The following POLE2 variants were observed in gnomAD, a reference collection of about 807,000 sequenced individuals.
The protein encoded by POLE2 is DNA polymerase epsilon 2, accessory subunit.
POLE2 carries 56 observed loss-of-function variants against 79.4 expected under a neutral mutation model. The ratio of observed to expected loss-of-function variants is 0.71; its 90% CI spans 0.57 to 0.88. The LOEUF (loss-of-function observed/expected upper bound fraction) is 0.88, where lower values mean the gene tolerates loss of function less well. POLE2 is among the 40% of genes least tolerant of loss of function. The pLI, the probability that POLE2 is intolerant of heterozygous loss-of-function variation, is 0.00. For synonymous variants in POLE2, 212 were observed against 214.0 expected (o/e 0.99, Z 0.08); for missense variants, 598 against 638.9 (o/e 0.94, Z 0.69).
rs1883550394 is a variant in POLE2 at position 49,643,634 on chromosome 14, AGAT to A, written c.*15_*17del. 5.3e-6 allele frequency: 7 copies of A among 1,332,480 alleles called. No homozygotes were observed. In the East Asian group the frequency reaches 1.2e-4, roughly 22 times the overall value. The allele number at this position is 1,332,480 out of a possible 1,614,324, so 82.5% of individuals were successfully genotyped here. ...AGCAGAAAACTGATGAATTTTCTTC[AGAT>A]GATCTTTAAGAATCTCAAAAGCCTT... is the stretch of plus-strand genomic sequence containing the variant. On this transcript the variant is annotated 3_prime_UTR_variant, in exon 19 of 19. Transcript: ENST00000216367.
chr14:49,683,536 A>C (rs1431974222), intron 2 of POLE2, 57 bp downstream of exon 2: 1 of 781,338 alleles, frequency 1.3e-6, no homozygotes, highest in African/African-American at 1.7e-5. Context: ...CTATACATCT[A>C]ACTGAAGATG....
At chr14:49,682,643 A>AGG (rs1886809927) in intron 2 of POLE2, among the ~76,000 whole-genome samples, 2 of 132,252 alleles carry the variant, frequency 1.5e-5, no homozygotes, top group African/African-American at 7.6e-5. Flanking sequence ...TCTCAGGGAA[A>AGG]AAAAAAAAAA....
chr14:49,671,442 C>T (rs1885882451), intron 5 of POLE2, among the ~76,000 whole-genome samples: 2 of 151,538 alleles, frequency 1.3e-5, no homozygotes, highest in South Asian at 2.1e-4. Flanking sequence ...CACAGTGAAA[C>T]CCATCTCTAC....
intron 1 of POLE2, among the ~76,000 whole-genome samples, chr14:49,685,679 C>T (rs1160653115): frequency 6.6e-6 from 1 of 151,936 alleles, no homozygotes; most frequent in Non-Finnish European, 1.5e-5. Flanking sequence ...AGTGCAGTGG[C>T]GTAATCTTGG....
At chr14:49,656,651 A>G (rs1282809536) in intron 10 of POLE2, among the ~76,000 whole-genome samples, 1 of 152,128 alleles carries the variant, frequency 6.6e-6, no homozygotes, top group Non-Finnish European at 1.5e-5. Context: ...TGGGTAATCT[A>G]CACACTCCCA....
Position 49,643,620 on chromosome 14 carries a change from G to T in POLE2, c.*32C>A. 1.6e-6 allele frequency: 2 copies of T among 1,238,164 alleles called. No individual in the cohort carries two copies. The highest frequency in any genetic ancestry group is 2.3e-6 in the Non-Finnish European group (2 of 865,438). 76.7% of individuals were successfully genotyped at this position (1,238,164 alleles called of 1,614,324 possible). A position where few individuals can be genotyped will look rare whatever the true frequency, so the allele number is the denominator to read the frequency against. ...AAGATATAGAGTTAAGCAGAAAACT[G>T]ATGAATTTTCTTCAGATGATCTTTA... is the stretch of plus-strand genomic sequence containing the variant. On this transcript the variant is annotated 3_prime_UTR_variant, in exon 19 of 19. Transcript: ENST00000216367.
chr14:49,663,222 C>G (rs533305758), intron 10 of POLE2, 93 bp downstream of exon 10: 1 of 550,872 alleles, frequency 1.8e-6, no homozygotes, highest in African/African-American at 1.9e-5. Context: ...AAGCCTGACA[C>G]CTTTTAGTAA....
intron 17 of POLE2, 101 bp from the exon 18 acceptor site, chr14:49,647,461 A>ATTT (rs1261755767): frequency 2.5e-6 from 1 of 395,896 alleles, no homozygotes. Flanking sequence ...TATTTTATTT[A>ATTT]TTTATTTTTT....
chr14:49,658,368 GC>G, intron 10 of POLE2, among the ~76,000 whole-genome samples: 1 of 152,154 alleles, frequency 6.6e-6, no homozygotes, highest in Non-Finnish European at 1.5e-5. Flanking sequence ...GAGCCACCGC[GC>G]CCGGCCCCTC....
intron 17 of POLE2, among the ~76,000 whole-genome samples, chr14:49,649,136 CCT>C (rs1883996244): frequency 2.1e-5 from 3 of 141,746 alleles, no homozygotes; most frequent in African/African-American, 8.0e-5. Flanking sequence ...TATTTCTTTC[CCT>C]TTTTTTTTTT....
At chr14:49,667,596 G>A (rs146804742) in intron 6 of POLE2, among the ~76,000 whole-genome samples, 10 of 147,950 alleles carry the variant, frequency 6.8e-5, no homozygotes, top group African/African-American at 2.3e-4. Flanking sequence ...TGCCCAGGCT[G>A]GAGTGCAGTG....
Position 49,666,364 on chromosome 14 carries a change from G to C in POLE2, c.542C>G (p.Ala181Gly). 6.5e-7 allele frequency: 1 copy of C among 1,545,066 alleles called. No individual in the cohort carries two copies. Among genetic ancestry groups the C allele is most frequent in the Non-Finnish European group, 8.7e-7 (1 of 1,144,380 alleles). Residue 181 changes from alanine to glycine, a missense_variant, in exon 7 of 19, where the codon GCG becomes GGG. Transcript: ENST00000216367. Reference protein sequence around the residue: ...LLGSTTKIGDAIVLGMITQLK... With the variant: ...LLGSTTKIGDGIVLGMITQLK... The stretch of plus-strand genomic sequence containing the variant: ...CTGCGTTATCATTCCAAGAACAATC[G>C]CATCTCCGATTTTGGTTGTACTACC...
At chr14:49,649,230 T>C (rs935857687) in intron 17 of POLE2, among the ~76,000 whole-genome samples, 2 of 137,672 alleles carry the variant, frequency 1.5e-5, no homozygotes, top group Non-Finnish European at 3.0e-5. Flanking sequence ...CACTACAAGC[T>C]CTGTCTCCCG....
Position 49,650,407 on chromosome 14 carries a change from G to A in POLE2, c.1355C>T (p.Thr452Ile), listed in dbSNP as rs758474858. ...TGGGCAGACATAAAGAGGTAGGGGA[G>A]TCAGATGTCCTTGGGATAAGATAGT... is the stretch of plus-strand genomic sequence containing the variant. ...VKTILSQGHL[T>I]PLPLYVCPVY... Residue 452 changes from threonine (T) to isoleucine (I), a missense_variant, in exon 17 of 19, where the codon ACT (threonine) becomes ATT (isoleucine). Transcript: ENST00000216367. 1 of 1,571,108 alleles carries A rather than the reference G, an allele frequency of 6.4e-7. No individual in the cohort carries two copies. Among genetic ancestry groups the A allele is most frequent in the South Asian group, 1.2e-5 (1 of 84,558 alleles).
At chr14:49,653,124 GGAA>G (rs1292709472) in intron 15 of POLE2, among the ~76,000 whole-genome samples, 1 of 152,192 alleles carries the variant, frequency 6.6e-6, no homozygotes, top group African/African-American at 2.4e-5. Context: ...CTCGTGGGGA[GGAA>G]GATCAGGAGT....
At chr14:49,670,310 G>T (rs192440612) in intron 5 of POLE2, among the ~76,000 whole-genome samples, 1 of 97,964 alleles carries the variant, frequency 1.0e-5, no homozygotes, top group East Asian at 2.7e-4. Context: ...GAGCGAAACT[G>T]TGTCTCCAAA....
intron 3 of POLE2, chr14:49,677,924 G>A (rs183399897): frequency 7.9e-4 from 247 of 313,318 alleles, no homozygotes; most frequent in African/African-American, 4.8e-3. Context: ...AGAAGGTGGC[G>A]CCTTGTGCCT....
chr14:49,683,156 C>T (rs765742855), intron 2 of POLE2, among the ~76,000 whole-genome samples: 1 of 152,146 alleles, frequency 6.6e-6, no homozygotes, highest in Non-Finnish European at 1.5e-5. Context: ...AATCCTAGCA[C>T]TTTGGGAGGC....
chr14:49,659,328 C>G (rs1379179650), intron 10 of POLE2, among the ~76,000 whole-genome samples: 1 of 151,802 alleles, frequency 6.6e-6, no homozygotes, highest in Admixed American at 6.6e-5. Context: ...CACTTATGTC[C>G]AGGAATTTGA....
Sources: allele counts gnomAD v4.1 joint callset (sites outside exome capture counted in the v4.1 genomes callset), GRCh38; gene constraint gnomAD v4.1.1; transcripts MANE v1.5; gene names NCBI Gene and HGNC (gene_info 2026-07-23, HGNC 2026-07-21).